Variants in DNER observed in about 807,000 individuals in gnomAD.
DNER encodes the protein delta/notch like EGF repeat containing.
Under a neutral mutation model 78.2 loss-of-function variants are expected in DNER, and 33 were observed. The ratio of observed to expected loss-of-function variants is 0.42; its 90% CI spans 0.32 to 0.56. The LOEUF (loss-of-function observed/expected upper bound fraction) is 0.56, where lower values mean the gene tolerates loss of function less well. DNER is among the 20% of genes least tolerant of loss of function. The pLI is 0.11. For synonymous variants in DNER, 417 were observed against 384.8 expected, an observed-to-expected ratio of 1.08 and a Z score of -0.98; for missense variants, 918 against 975.3, an observed-to-expected ratio of 0.94 and a Z score of 0.78.
chr2:229,551,333 C>T (rs533423343), intron 4 of DNER, among the ~76,000 whole-genome samples: 30 of 152,250 alleles, frequency 2.0e-4, no homozygotes, highest in African/African-American at 7.2e-4. Flanking sequence ...GAAGTGCCCA[C>T]ATTAAGTAAG....
chr2:229,430,616 G>A (rs1693983035), intron 8 of DNER, among the ~76,000 whole-genome samples: 2 of 151,628 alleles, frequency 1.3e-5, no homozygotes, highest in Non-Finnish European at 2.9e-5. Context: ...ACTCGGACTG[G>A]CTCTCTTTGC....
chr2:229,376,560 C>T (rs756434918), intron 11 of DNER, among the ~76,000 whole-genome samples: 6 of 152,104 alleles, frequency 3.9e-5, no homozygotes, highest in Non-Finnish European at 8.8e-5. Flanking sequence ...CAATGGGGGT[C>T]TGATTAAATA....
In DNER at chr2:229,392,443, T is replaced by A. The variant is rs139866270; in HGVS notation, c.1724-4047A>T. ...GCTTGAGGAGACAAAGATCAGAGTG[T>A]GTGGAGGCCAAGGTAGCTGTAATTT... On this transcript the variant is annotated intron_variant, in intron 10 of 12. Transcript: ENST00000341772. Among the ~76,000 whole-genome samples the A allele has an allele frequency of 3.6e-3, 544 of 152,164 alleles. 4 individuals carry two copies. Among genetic ancestry groups the A allele is most frequent in the African/African-American group, 0.013 (526 of 41,488 alleles).
chr2:229,679,550 G>A (rs1018689499), intron 1 of DNER, among the ~76,000 whole-genome samples: 1 of 152,026 alleles, frequency 6.6e-6, no homozygotes, highest in Non-Finnish European at 1.5e-5. Context: ...AACGTCGTCT[G>A]ACAGTTTAAA....
intron 1 of DNER, among the ~76,000 whole-genome samples, chr2:229,691,637 ATAT>A (rs936583033): frequency 1.3e-5 from 2 of 152,198 alleles, no homozygotes; most frequent in African/African-American, 4.8e-5. Context: ...TAAAAGACAA[ATAT>A]TATGAAACTG....
chr2:229,477,258 A>G lies in DNER; in HGVS notation c.1148-5T>C. On this transcript the variant is annotated splice_polypyrimidine_tract_variant and splice_region_variant and intron_variant, in intron 6 of 12. Transcript: ENST00000341772. ...GGCAAAGCTCTCCAGTATAACCTGA[A>G]TAAAACAAAATGTACATTTTATAAA... 1 of 1,598,382 alleles carries G rather than the reference A, an allele frequency of 6.3e-7. No homozygotes were observed. The highest frequency in any genetic ancestry group is 1.7e-5 in the Admixed American group (1 of 58,722).
chr2:229,358,688 A>G (rs573813680), intron 12 of DNER, 37 bp from the exon 13 acceptor site: 3 of 1,550,796 alleles, frequency 1.9e-6, no homozygotes, highest in South Asian at 2.3e-5. Context: ...TTAGATAAAT[A>G]CTAGATCTCA....
intron 7 of DNER, among the ~76,000 whole-genome samples, chr2:229,461,215 A>G (rs1054949895): frequency 3.3e-5 from 5 of 152,074 alleles, no homozygotes; most frequent in African/African-American, 9.7e-5. Context: ...ATACAGACAT[A>G]CATTATATAT....
intron 8 of DNER, among the ~76,000 whole-genome samples, chr2:229,425,994 G>A (rs1334272176): frequency 6.6e-6 from 1 of 152,178 alleles, no homozygotes; most frequent in Non-Finnish European, 1.5e-5. Context: ...GTGCAGGGCT[G>A]TGAAGAGTGG....
At position 229,477,234 on chromosome 2, in the gene DNER, G is replaced by A. The variant is rs1188649548; in HGVS notation, c.1167C>T (p.Cys389=). 6.2e-7 allele frequency: 1 copy of A among 1,612,836 alleles called. No homozygotes were observed. Among genetic ancestry groups the A allele is most frequent in the Non-Finnish European group, 8.5e-7 (1 of 1,179,434 alleles). Residue 389 remains cysteine, a synonymous_variant, in exon 7 of 13, where the codon TGC becomes TGT. Transcript: ENST00000341772. ...VCLPGYTGEL[C]QSKIDYCILD... is the part of the protein sequence containing the mutation. Reference sequence around the variant, plus strand: ...GGATGCAGTAATCAATCTTGGACTGGCAAAGCTCTCCAGTATAACCTGAAT... The same window carrying A: ...GGATGCAGTAATCAATCTTGGACTGACAAAGCTCTCCAGTATAACCTGAAT...
chr2:229,418,789 C>T (rs967640822), intron 8 of DNER, among the ~76,000 whole-genome samples: 2 of 151,932 alleles, frequency 1.3e-5, no homozygotes, highest in Non-Finnish European at 2.9e-5. Context: ...GGCGTGGTGG[C>T]GGGCGCCTGT....
intron 7 of DNER, among the ~76,000 whole-genome samples, chr2:229,453,047 A>G (rs1694494603): frequency 6.6e-6 from 1 of 152,220 alleles, no homozygotes; most frequent in African/African-American, 2.4e-5. Flanking sequence ...AACCAAGGGG[A>G]ATTGGATTTA....
At chr2:229,484,911 C>T (rs1695237541) in intron 6 of DNER, among the ~76,000 whole-genome samples, 1 of 152,162 alleles carries the variant, frequency 6.6e-6, no homozygotes, top group Admixed American at 6.5e-5. Flanking sequence ...ACAGCACCTT[C>T]AGAACATTTT....
chr2:229,649,959 C>G (rs545268918), intron 1 of DNER, among the ~76,000 whole-genome samples: 52 of 151,584 alleles, frequency 3.4e-4, no homozygotes, highest in African/African-American at 1.3e-3. Context: ...CCTGTAGTCC[C>G]AGCTACTCAG....
At chr2:229,473,546 G>C (rs1694969455) in intron 7 of DNER, among the ~76,000 whole-genome samples, 1 of 152,148 alleles carries the variant, frequency 6.6e-6, no homozygotes, top group African/African-American at 2.4e-5. Context: ...TCTCATTGTT[G>C]TGAGAGTCAA....
At chr2:229,693,073 TC>T (rs1162682530) in intron 1 of DNER, among the ~76,000 whole-genome samples, 1 of 151,664 alleles carries the variant, frequency 6.6e-6, no homozygotes, top group Admixed American at 6.6e-5. Context: ...GTTCCCATAA[TC>T]CCCACATGTC....
At chr2:229,648,522 A>G (rs1698758989) in intron 1 of DNER, among the ~76,000 whole-genome samples, 1 of 152,230 alleles carries the variant, frequency 6.6e-6, no homozygotes, top group Non-Finnish European at 1.5e-5. Context: ...ACCACTTGGA[A>G]GTGCCGAATT....
rs942630078 is a variant in DNER at position 229,555,803 on chromosome 2, C to T, written c.848-8711G>A. On this transcript the variant is annotated intron_variant, in intron 4 of 12. Coordinates refer to ENST00000341772, the MANE Select transcript of DNER (RefSeq NM_139072.4). The stretch of plus-strand genomic sequence containing the variant: ...CAGTTTACTAAAAAAAAAAAAATTG[C>T]TTACCAACTGGTGATTACCTTTGGT... 3.3e-5 allele frequency among the ~76,000 whole-genome samples: 5 copies of T among 151,946 alleles called. No homozygotes were observed. In the South Asian group the frequency reaches 1.0e-3, roughly 32 times the overall value.
intron 5 of DNER, among the ~76,000 whole-genome samples, chr2:229,517,777 A>G (rs930933893): frequency 3.3e-5 from 5 of 152,206 alleles, no homozygotes; most frequent in Non-Finnish European, 1.5e-5. Context: ...TCTGGCGGAT[A>G]GAGTTCAAGG....
Sources: gnomAD v4.1 joint callset for allele counts (sites outside exome capture counted in the v4.1 genomes callset) on GRCh38, gnomAD v4.1.1 for gene constraint, MANE v1.5 for transcripts, NCBI Gene and HGNC (gene_info 2026-07-23, HGNC 2026-07-21) for gene names.